Variants in STAB1 observed in about 807,000 individuals in gnomAD.
The protein encoded by STAB1 is stabilin 1, also known as stabilin-1.
STAB1 carries 250 observed loss-of-function variants against 332.4 expected under a neutral mutation model. The ratio of observed to expected loss-of-function variants is 0.75; its 90% CI spans 0.68 to 0.84. The LOEUF (loss-of-function observed/expected upper bound fraction) is 0.84. Ranked by LOEUF, STAB1 falls within the 40% of genes least tolerant of loss-of-function variation. The pLI is 0.00. For synonymous variants in STAB1, 1,475 were observed against 1,390.4 expected (o/e 1.06, Z -1.35); for missense variants, 3,249 against 3,489.7 (o/e 0.93, Z 1.74).
Position 52,515,521 on chromosome 3 carries a change from C to T in STAB1, c.3948+15C>T. 1.2e-6 allele frequency: 2 copies of T among 1,612,816 alleles called. No individual in the cohort carries two copies. The highest frequency in any genetic ancestry group is 1.7e-6 in the Non-Finnish European group (2 of 1,179,938). The stretch of plus-strand genomic sequence containing the variant: ...AGAAGATCCAGGTTTGCCCTGAAGC[C>T]CCCACCCCAAGCCTGTCCAGAGAGA... On this transcript the variant is annotated intron_variant, in intron 37 of 68. Coordinates refer to ENST00000321725, the MANE Select transcript of STAB1 (RefSeq NM_015136.3).
chr3:52,508,087 C>A (rs1387537183), intron 20 of STAB1, 61 bp downstream of exon 20: 2 of 1,549,692 alleles, frequency 1.3e-6, no homozygotes, highest in Non-Finnish European at 1.8e-6. Flanking sequence ...TCCTCGGGGG[C>A]CCCCAAGCTG....
chr3:52,502,600 G>A (rs1415591408), intron 5 of STAB1, 32 bp from the exon 6 acceptor site: 2 of 1,592,784 alleles, frequency 1.3e-6, no homozygotes, highest in Non-Finnish European at 1.7e-6. Context: ...GGAGAGGCTG[G>A]GGCCCCATCT....
chr3:52,513,898 C>G lies in STAB1; in HGVS notation c.3364C>G (p.Arg1122Gly), dbSNP rs770223308. 3 of 1,604,454 alleles carry G rather than the reference C, an allele frequency of 1.9e-6. No homozygotes were observed. The highest frequency in any genetic ancestry group is 1.1e-5 in the South Asian group (1 of 90,520). Residue 1122 changes from arginine (R) to glycine (G), a missense_variant, in exon 32 of 69, where the codon CGA (arginine) becomes GGA (glycine). Transcript: ENST00000321725. The stretch of plus-strand genomic sequence containing the variant: ...TCTGTACCAGGTCTTACTGCCCCCC[C>G]GAGGGGATGTGCCCGGTGGGCAGGG... ...HILSQVLLPP[R>G]GDVPGGQGLL...
At chr3:52,521,776 G>A in intron 57 of STAB1, 68 bp from the exon 58 acceptor site, 4 of 1,601,268 alleles carry the variant, frequency 2.5e-6, no homozygotes, top group Non-Finnish European at 1.7e-6. Context: ...ACCAAGGGTG[G>A]GTGGAACGGG....
rs913144277 is a variant in STAB1, at chr3:52,506,794, ACCATCCTGC to A, written c.1946_1954del (p.Ile649_Pro651del). 2 of 1,613,036 alleles carry A rather than the reference ACCATCCTGC, an allele frequency of 1.2e-6. No individual in the cohort carries two copies. The highest frequency in any genetic ancestry group is 1.3e-5 in the African/African-American group (1 of 74,934). On this transcript the variant is annotated inframe_deletion, in exon 18 of 69. Coordinates refer to ENST00000321725, the MANE Select transcript of STAB1 (RefSeq NM_015136.3). ...GCTGGACGGCATCCTGCTGCCCCCGACCATCCTGCCCATCCTGCCCAAGCACTGCAGCGA... is the reference window on the plus strand; with the variant it reads ...GCTGGACGGCATCCTGCTGCCCCCGACCATCCTGCCCAAGCACTGCAGCGA...
In STAB1 at chr3:52,509,286, C is replaced by T. The variant is rs771078428; in HGVS notation, c.2312C>T (p.Ser771Leu). 42 of 1,613,508 alleles carry T rather than the reference C, an allele frequency of 2.6e-5. No individual in the cohort carries two copies. The East Asian group carries it at 5.1e-4, about 20-fold the overall frequency. Residue 771 changes from serine (S) to leucine (L), a missense_variant, in exon 22 of 69, where the codon TCG (serine) becomes TTG (leucine). By Grantham distance (145) the Ser-to-Leu change is moderately radical. Transcript: ENST00000321725. The part of the protein sequence containing the change: ...DYKGIACHIC[S>L]NPNKHGEQCQ... ...AAGGGCATCGCCTGCCACATCTGCT[C>T]GAACCCAAACAAGCATGGAGAGCAA...
chr3:52,518,140 T>G, intron 45 of STAB1, 137 bp downstream of exon 45: 1 of 1,491,970 alleles, frequency 6.7e-7, no homozygotes, highest in Non-Finnish European at 9.0e-7. Context: ...TGATTGTACC[T>G]GGGCCTGACC....
chr3:52,517,644 C>A lies in STAB1; in HGVS notation c.4638+20C>A. Reference sequence around the variant, plus strand: ...TCTAAGGTCAGGACCCTAGTCCTGTCCTCCTTCACTGACGAGAAGGAGAGG... The same window carrying A: ...TCTAAGGTCAGGACCCTAGTCCTGTACTCCTTCACTGACGAGAAGGAGAGG... On this transcript the variant is annotated intron_variant, in intron 44 of 68. Coordinates refer to ENST00000321725, the MANE Select transcript of STAB1 (RefSeq NM_015136.3). The A allele has an allele frequency of 6.2e-7, 1 of 1,610,186 alleles. No homozygotes were observed. Among genetic ancestry groups the A allele is most frequent in the Non-Finnish European group, 8.5e-7 (1 of 1,178,522 alleles).
intron 10 of STAB1, 75 bp downstream of exon 10, chr3:52,504,230 T>C: frequency 6.6e-7 from 1 of 1,526,522 alleles, no homozygotes. Flanking sequence ...AGGAGCTGCC[T>C]CTGCAGATTC....
rs776728884 is a variant in STAB1, at chr3:52,506,261, C to T, written c.1830+11C>T. The T allele has an allele frequency of 8.7e-6, 14 of 1,607,896 alleles. No homozygotes were observed. The Admixed American group carries it at 1.0e-4, about 12-fold the overall frequency. On this transcript the variant is annotated intron_variant, in intron 17 of 68. Coordinates refer to ENST00000321725, the MANE Select transcript of STAB1 (RefSeq NM_015136.3). ...AACATTTCTGAGGAGGTGAGGTGCACGGACACCTGGGCGGATGGTGGGGCT... is the reference window on the plus strand; with the variant it reads ...AACATTTCTGAGGAGGTGAGGTGCATGGACACCTGGGCGGATGGTGGGGCT...
chr3:52,517,372 C>G lies in STAB1; in HGVS notation c.4542C>G (p.Cys1514Trp). 6.2e-7 allele frequency: 1 copy of G among 1,605,200 alleles called. No homozygotes were observed. Residue 1514 changes from cysteine (C) to tryptophan (W), a missense_variant, in exon 43 of 69, where the codon TGC becomes TGG. Coordinates refer to ENST00000321725, the MANE Select transcript of STAB1 (RefSeq NM_015136.3). ...GGGGCTGCCACATTCACGCCGAGTG[C>G]ATCCCCACTGGCCCCCAGCAGGTCA... ...HHGGCHIHAE[C>W]IPTGPQQVSC...
Position 52,518,901 on chromosome 3 carries a change from T to TCCCGCCCCGCCCCGCCCCGC in STAB1, c.5034+50_5034+51insGCCCCGCCCCGCCCCGCCCC, listed in dbSNP as rs759365791. ...CCTGGCCCTGGCCTGCCCCGCTCCA[T>TCCCGCCCCGCCCCGCCCCGC]CCCGCCCCGCCCCGCCCCTGCGCGC... On this transcript the variant is annotated intron_variant, in intron 48 of 68. Coordinates refer to ENST00000321725, the MANE Select transcript of STAB1 (RefSeq NM_015136.3). 281 of 1,018,870 alleles carry TCCCGCCCCGCCCCGCCCCGC rather than the reference T, an allele frequency of 2.8e-4. 1 individual carries two copies. In the African/African-American group the frequency reaches 6.0e-3, roughly 22 times the overall value. The allele number at this position is 1,018,870 out of a possible 1,614,324, so 63.1% of individuals were successfully genotyped here.
chr3:52,497,889 G>A (rs2153232452), intron 1 of STAB1, among the ~76,000 whole-genome samples: 1 of 152,330 alleles, frequency 6.6e-6, no homozygotes, highest in East Asian at 1.9e-4. Context: ...CTGGAGTGAA[G>A]ATGGGTTTGG....
At chr3:52,508,664 A>G (rs1709065370) in intron 21 of STAB1, 1 of 363,268 alleles carries the variant, frequency 2.8e-6, no homozygotes, top group African/African-American at 2.1e-5. Flanking sequence ...TGTACTAAAA[A>G]TACAAAAATT....
At position 52,517,940 on chromosome 3, in the gene STAB1, A is replaced by G; in HGVS notation, c.4698A>G (p.Thr1566=). 6.2e-7 allele frequency: 1 copy of G among 1,610,978 alleles called. No individual in the cohort carries two copies. Among genetic ancestry groups the G allele is most frequent in the Non-Finnish European group, 8.5e-7 (1 of 1,179,416 alleles). Residue 1566 remains threonine, a synonymous_variant, in exon 45 of 69, where the codon ACA becomes ACG. Transcript: ENST00000321725. ...TCKSTGDGQR[T]CTCDTAHTVG... is the part of the protein sequence containing the mutation. Reference sequence around the variant, plus strand: ...AAAGCACAGGGGATGGCCAGAGGACATGTACCTGCGACACAGCCCACACCG... The same window carrying G: ...AAAGCACAGGGGATGGCCAGAGGACGTGTACCTGCGACACAGCCCACACCG...
rs754467190 is a variant in STAB1, at chr3:52,505,083, C to T, written c.1458C>T (p.Val486=). Residue 486 remains valine (V), a synonymous_variant, in exon 13 of 69, where the codon GTC becomes GTT. Coordinates refer to ENST00000321725, the MANE Select transcript of STAB1 (RefSeq NM_015136.3). ...CCAACAACATAGCAGCTAATGGCGT[C>T]TTCCACGTGGTCACTGGCCTGCGGT... ...YKANNIAANG[V]FHVVTGLRWQ... 3 of 1,613,646 alleles carry T rather than the reference C, an allele frequency of 1.9e-6. No homozygotes were observed. In the African/African-American group the frequency reaches 4.0e-5, roughly 22 times the overall value.
At chr3:52,506,106 G>T in intron 16 of STAB1, 64 bp from the exon 17 acceptor site, 1 of 1,555,896 alleles carries the variant, frequency 6.4e-7, no homozygotes, top group Non-Finnish European at 8.8e-7. Flanking sequence ...TCCTGGGCAG[G>T]ACTGGGCGTG....
Position 52,516,734 on chromosome 3 carries a change from T to C in STAB1, c.4329T>C (p.Ala1443=). The change falls in exon 41 of 69, where the codon GCT becomes GCC. Residue 1443 remains alanine (A), a synonymous_variant. Coordinates refer to ENST00000321725, the MANE Select transcript of STAB1 (RefSeq NM_015136.3). ...CCGGAGCCTCCACCTGCGCCTGTGC[T>C]GCGGGATACTCCGGCAATGGCATCT... ...DSAGASTCAC[A]AGYSGNGIFC... 1 of 1,611,708 alleles carries C rather than the reference T, an allele frequency of 6.2e-7. No individual in the cohort carries two copies. The highest frequency in any genetic ancestry group is 8.5e-7 in the Non-Finnish European group (1 of 1,179,752).
Position 52,507,954 on chromosome 3 carries a change from C to T in STAB1, c.2076C>T (p.Val692=). 6.2e-7 allele frequency: 1 copy of T among 1,613,688 alleles called. No individual in the cohort carries two copies. Among genetic ancestry groups the T allele is most frequent in the Non-Finnish European group, 8.5e-7 (1 of 1,179,978 alleles). The change falls in exon 20 of 69, where the codon GTC becomes GTT. Residue 692 remains valine (V), a synonymous_variant. Coordinates refer to ENST00000321725, the MANE Select transcript of STAB1 (RefSeq NM_015136.3). The stretch of plus-strand genomic sequence containing the variant: ...AGGACATCTTCCCCAAGGAGTGTGT[C>T]TACATCCATGACCCAACGGGGCTCA... ...VKLDIFPKEC[V]YIHDPTGLNV...
Sources: allele counts gnomAD v4.1 joint callset (sites outside exome capture counted in the v4.1 genomes callset), GRCh38; gene constraint gnomAD v4.1.1; transcripts MANE v1.5; gene names NCBI Gene and HGNC (gene_info 2026-07-23, HGNC 2026-07-21).